BBS9: variants seen among roughly 807,000 people sequenced by gnomAD.
BBS9 encodes protein PTHB1.
A neutral mutation model predicts 117.7 loss-of-function variants in BBS9; 89 were observed. That is an observed-to-expected ratio of 0.76 (90% CI 0.64 to 0.90). BBS9 has a LOEUF of 0.90. BBS9 is among the 40% of genes least tolerant of loss of function. BBS9 has a pLI of 0.00. For synonymous variants in BBS9, 379 were observed against 370.9 expected (o/e 1.02, Z -0.25); for missense variants, 982 against 1,042.2 (o/e 0.94, Z 0.80).
At chr7:33,346,095 A>T (rs1340401831) in intron 12 of BBS9, 1 of 294,732 alleles carries the variant, frequency 3.4e-6, no homozygotes. Context: ...CATGAGAAAG[A>T]ATGCAACAGG....
At chr7:33,304,621 T>G (rs924877205) in intron 9 of BBS9, among the ~76,000 whole-genome samples, 1 of 151,940 alleles carries the variant, frequency 6.6e-6, no homozygotes, top group African/African-American at 2.4e-5. Context: ...TTTCTGCAGG[T>G]GTACCCAACA....
At chr7:33,187,921 C>T (rs563929075) in intron 5 of BBS9, among the ~76,000 whole-genome samples, 3 of 150,370 alleles carry the variant, frequency 2.0e-5, no homozygotes, top group South Asian at 4.2e-4. Context: ...GACTCCGTCT[C>T]GAAAAAAGAA....
rs1584093308 is a variant in BBS9 at position 33,139,215 on chromosome 7, GC to G, written c.-11-7026del. Among the ~76,000 whole-genome samples the G allele has an allele frequency of 3.3e-5, 5 of 151,332 alleles. 1 individual carries two copies. In the East Asian group the frequency reaches 8.8e-4, roughly 27 times the overall value. On this transcript the variant is annotated intron_variant, in intron 1 of 22. Coordinates refer to ENST00000242067, the MANE Select transcript of BBS9 (RefSeq NM_198428.3). ...TGCGGTGAGCTGAGATTGTGCCATT[GC>G]ACTCCAGCCTGGGCAACAAGAGTGA...
chr7:33,557,339 A>G (rs576647107), intron 21 of BBS9, among the ~76,000 whole-genome samples: 19 of 152,318 alleles, frequency 1.2e-4, no homozygotes, highest in African/African-American at 9.6e-5. Flanking sequence ...CTAGAAGGTC[A>G]TCATCATTAC....
intron 19 of BBS9, among the ~76,000 whole-genome samples, chr7:33,464,384 ATC>A (rs1257216481): frequency 6.6e-6 from 1 of 152,064 alleles, no homozygotes; most frequent in African/African-American, 2.4e-5. Flanking sequence ...TAGGAGTAAT[ATC>A]TCTTTTCTTC....
At chr7:33,396,638 G>T (rs1563115720) in intron 19 of BBS9, among the ~76,000 whole-genome samples, 1 of 152,120 alleles carries the variant, frequency 6.6e-6, no homozygotes, top group East Asian at 1.9e-4. Context: ...ATTCTTCACA[G>T]AATTAGAAAA....
At chr7:33,202,862 T>G (rs10486524) in intron 5 of BBS9, among the ~76,000 whole-genome samples, 28,929 of 152,184 alleles carry the variant, frequency 0.19, 2,942 homozygotes, top group Non-Finnish European at 0.23. Flanking sequence ...CATCCAAAAC[T>G]TAACTTACCT....
chr7:33,454,363 C>A (rs1012551927), intron 19 of BBS9, among the ~76,000 whole-genome samples: 4 of 152,152 alleles, frequency 2.6e-5, no homozygotes, highest in Admixed American at 6.5e-5. Flanking sequence ...TTGGTTTCTC[C>A]CTCAGGCTGG....
chr7:33,145,406 G>A (rs1476252276), intron 1 of BBS9, among the ~76,000 whole-genome samples: 3 of 152,160 alleles, frequency 2.0e-5, no homozygotes, highest in Non-Finnish European at 4.4e-5. Flanking sequence ...TTCTAGATAA[G>A]AAATCAAAGT....
intron 19 of BBS9, among the ~76,000 whole-genome samples, chr7:33,441,941 G>A (rs1207229739): frequency 6.7e-6 from 1 of 149,898 alleles, no homozygotes; most frequent in Non-Finnish European, 1.5e-5. Flanking sequence ...ACCCAGGCCA[G>A]AGTGCAATGG....
At chr7:33,492,838 G>GTA (rs966055172) in intron 19 of BBS9, among the ~76,000 whole-genome samples, 10 of 151,160 alleles carry the variant, frequency 6.6e-5, no homozygotes, top group African/African-American at 2.4e-4. Flanking sequence ...GTGTGTGTGT[G>GTA]TGTGTGTGTG....
chr7:33,274,107 A>G lies in BBS9; in HGVS notation c.1016+151A>G, dbSNP rs1800305102. The G allele has an allele frequency of 3.6e-6, 3 of 840,570 alleles. No homozygotes were observed. The South Asian group carries it at 5.2e-5, about 15-fold the overall frequency. 52.1% of individuals were successfully genotyped at this position (840,570 alleles called of 1,614,324 possible). A position where few individuals can be genotyped will look rare whatever the true frequency, so the allele number is the denominator to read the frequency against. On this transcript the variant is annotated intron_variant, in intron 9 of 22. Transcript: ENST00000242067. ...AATAATAAAAGTAATTTAAAATATA[A>G]CTTTTATTGGAAAGGAAGGATAATT... is the stretch of plus-strand genomic sequence containing the variant.
At chr7:33,139,362 G>A (rs933016628) in intron 1 of BBS9, among the ~76,000 whole-genome samples, 7 of 151,036 alleles carry the variant, frequency 4.6e-5, no homozygotes, top group African/African-American at 1.7e-4. Context: ...CTTTCATATT[G>A]GAGGATTCTT....
chr7:33,445,332 G>A (rs1836833240), intron 19 of BBS9, among the ~76,000 whole-genome samples: 1 of 152,132 alleles, frequency 6.6e-6, no homozygotes, highest in Non-Finnish European at 1.5e-5. Context: ...AGTTTTGAGT[G>A]CTCTGCTCAT....
chr7:33,398,097 A>C (rs1329195404), intron 19 of BBS9, among the ~76,000 whole-genome samples: 1 of 152,222 alleles, frequency 6.6e-6, no homozygotes, highest in African/African-American at 2.4e-5. Context: ...AGGAGCTGAC[A>C]ATTCTCTATG....
intron 5 of BBS9, among the ~76,000 whole-genome samples, chr7:33,212,672 C>G (rs1004488002): frequency 6.6e-6 from 1 of 152,058 alleles, no homozygotes; most frequent in African/African-American, 2.4e-5. Flanking sequence ...GCAGTCTGGG[C>G]TTGTTTGTGC....
chr7:33,526,686 G>T (rs1465985145), intron 20 of BBS9, among the ~76,000 whole-genome samples: 1 of 145,440 alleles, frequency 6.9e-6, no homozygotes, highest in African/African-American at 2.6e-5. Flanking sequence ...CTTTGCCTTT[G>T]GTTTGAATGT....
At chr7:33,218,885 G>A (rs1048394293) in intron 5 of BBS9, among the ~76,000 whole-genome samples, 9 of 152,248 alleles carry the variant, frequency 5.9e-5, no homozygotes, top group African/African-American at 2.2e-4. Context: ...CACTTGAGGA[G>A]CCCTTCAGCC....
At chr7:33,185,637 A>G (rs1178433470) in intron 5 of BBS9, among the ~76,000 whole-genome samples, 1 of 152,304 alleles carries the variant, frequency 6.6e-6, no homozygotes, top group East Asian at 1.9e-4. Context: ...TGAGTGGGTG[A>G]TTCTTTTAAT....
Sources: gnomAD v4.1 joint callset for allele counts (sites outside exome capture counted in the v4.1 genomes callset) on GRCh38, gnomAD v4.1.1 for gene constraint, MANE v1.5 for transcripts, NCBI Gene and HGNC (gene_info 2026-07-23, HGNC 2026-07-21) for gene names.